Variants in CFAP20DC observed in about 807,000 individuals in gnomAD.
CFAP20DC encodes the protein protein CFAP20DC.
Under a neutral mutation model 101.7 loss-of-function variants are expected in CFAP20DC, and 84 were observed. The ratio of observed to expected loss-of-function variants is 0.83; its 90% CI spans 0.69 to 0.99. The LOEUF is 0.99. CFAP20DC is among the 50% of genes least tolerant of loss of function. The probability of loss-of-function intolerance (pLI) is 0.00; values close to 1 mark genes in which losing one functional copy is unlikely to be tolerated. For missense variants in CFAP20DC, 1,007 were observed against 970.3 expected (o/e 1.04, Z -0.50); for synonymous variants, 359 against 351.2 (o/e 1.02, Z -0.25).
chr3:58,925,021 T>A (rs1283429984), intron 5 of CFAP20DC, among the ~76,000 whole-genome samples: 3 of 152,084 alleles, frequency 2.0e-5, no homozygotes, highest in Admixed American at 2.0e-4. Context: ...GTTTTCTCAT[T>A]ATGAACATAT....
At chr3:58,901,904 A>G (rs1427333850) in intron 6 of CFAP20DC, among the ~76,000 whole-genome samples, 1 of 152,196 alleles carries the variant, frequency 6.6e-6, no homozygotes, top group Non-Finnish European at 1.5e-5. Context: ...TTATCCATTA[A>G]GTAGCTTCTC....
At chr3:59,024,377 G>A (rs1361356901) in intron 4 of CFAP20DC, among the ~76,000 whole-genome samples, 2 of 152,110 alleles carry the variant, frequency 1.3e-5, no homozygotes, top group Non-Finnish European at 2.9e-5. Flanking sequence ...AAGTTCAACA[G>A]TAGCCTCATT....
At chr3:58,930,826 C>T (rs1485811341) in intron 5 of CFAP20DC, among the ~76,000 whole-genome samples, 1 of 152,186 alleles carries the variant, frequency 6.6e-6, no homozygotes, top group African/African-American at 2.4e-5. Context: ...CGGTCTACAG[C>T]TCCCAGCGTG....
intron 15 of CFAP20DC, among the ~76,000 whole-genome samples, chr3:58,776,482 C>A (rs1388173624): frequency 6.6e-6 from 1 of 151,966 alleles, no homozygotes; most frequent in Admixed American, 6.6e-5. Flanking sequence ...ACTTACTGGC[C>A]TTTATCTGCC....
At chr3:58,983,787 T>C (rs911106899) in intron 4 of CFAP20DC, among the ~76,000 whole-genome samples, 15 of 152,204 alleles carry the variant, frequency 9.9e-5, no homozygotes, top group African/African-American at 2.9e-4. Context: ...CCATGGGATA[T>C]GTCCTTTTAT....
chr3:58,895,792 A>C (rs139416696), intron 6 of CFAP20DC, among the ~76,000 whole-genome samples: 5 of 152,244 alleles, frequency 3.3e-5, no homozygotes, highest in African/African-American at 1.2e-4. Context: ...TCACAGTTCT[A>C]CATGGCTGGG....
rs185385016 is a variant in CFAP20DC, at chr3:58,984,885, T to G, written c.279-47123A>C. On this transcript the variant is annotated intron_variant, in intron 4 of 16. Coordinates refer to ENST00000482387, the MANE Select transcript of CFAP20DC (RefSeq NM_001394063.1). ...GGTAAAGTTGCTGGCATGGTGTGAT[T>G]GCTCAATAAATTTTGGTTACTTTTT... Among the ~76,000 whole-genome samples the G allele has an allele frequency of 9.2e-5, 14 of 152,230 alleles. No homozygotes were observed. In the East Asian group the frequency reaches 2.7e-3, roughly 29 times the overall value.
chr3:58,968,324 A>T (rs1463032361), intron 4 of CFAP20DC, among the ~76,000 whole-genome samples: 1 of 152,194 alleles, frequency 6.6e-6, no homozygotes, highest in East Asian at 1.9e-4. Context: ...TTACATTCCC[A>T]TCAACAGTGT....
chr3:58,870,116 A>C, intron 8 of CFAP20DC, 57 bp downstream of exon 8: 1 of 1,418,256 alleles, frequency 7.1e-7, no homozygotes, highest in Non-Finnish European at 9.9e-7. Context: ...AGGGGAAGAC[A>C]CTCTTCCCTT....
chr3:58,881,215 GT>G (rs1263264157), intron 7 of CFAP20DC, among the ~76,000 whole-genome samples: 3 of 152,134 alleles, frequency 2.0e-5, no homozygotes, highest in African/African-American at 7.2e-5. Flanking sequence ...TTAAAAAGGA[GT>G]AAAAATCCAA....
intron 4 of CFAP20DC, among the ~76,000 whole-genome samples, chr3:58,973,029 T>A (rs1243558696): frequency 6.6e-6 from 1 of 152,206 alleles, no homozygotes; most frequent in Non-Finnish European, 1.5e-5. Context: ...AAAATATGCA[T>A]TCAAATTGTT....
intron 3 of CFAP20DC, chr3:58,734,546 G>A (rs544709161): frequency 2.2e-6 from 1 of 455,458 alleles, no homozygotes; most frequent in Non-Finnish European, 4.4e-6. Context: ...CAGCTTTCTG[G>A]GATTAAATCA....
In CFAP20DC at chr3:58,747,134, T is replaced by A. The variant is rs536085924; in HGVS notation, c.2333-4562A>T. Among the ~76,000 whole-genome samples, 6 of 152,338 alleles carry A rather than the reference T, an allele frequency of 3.9e-5. No individual in the cohort carries two copies. The South Asian group carries it at 1.2e-3, about 32-fold the overall frequency. On this transcript the variant is annotated intron_variant, in intron 16 of 16. Transcript: ENST00000482387. ...TTTCTGCTACTAGACTAAGAGCATC[T>A]GGATAGGGGTCCAAATTACATTTTT...
intron 6 of CFAP20DC, among the ~76,000 whole-genome samples, chr3:58,891,160 C>T (rs1379745988): frequency 1.1e-4 from 16 of 151,898 alleles, no homozygotes; most frequent in African/African-American, 2.7e-4. Context: ...AACGAGACTC[C>T]GTCTGCAATC....
At chr3:58,783,236 A>G (rs1490155071) in intron 15 of CFAP20DC, among the ~76,000 whole-genome samples, 4 of 152,060 alleles carry the variant, frequency 2.6e-5, no homozygotes, top group Non-Finnish European at 4.4e-5. Flanking sequence ...TATGCAGAAG[A>G]ATAAAACTAG....
In CFAP20DC at chr3:58,788,116, C is replaced by T. The variant is rs2072532080; in HGVS notation, c.2237+18279G>A. ...ATATAACAAACCTGCATGTTCTGCACATTTGTCCCAGAACTTAAAGTACAA... is the reference window on the plus strand; with the variant it reads ...ATATAACAAACCTGCATGTTCTGCATATTTGTCCCAGAACTTAAAGTACAA... On this transcript the variant is annotated intron_variant, in intron 15 of 16. Coordinates refer to ENST00000482387, the MANE Select transcript of CFAP20DC (RefSeq NM_001394063.1). The surrounding 1 kb of genome is among the most constrained non-coding windows in gnomAD (Gnocchi z 4.2). Among the ~76,000 whole-genome samples the T allele has an allele frequency of 6.6e-6, 1 of 150,940 alleles. No homozygotes were observed. The highest frequency in any genetic ancestry group is 1.9e-4 in the East Asian group (1 of 5,142).
chr3:59,006,066 T>C lies in CFAP20DC; in HGVS notation c.278+33491A>G, dbSNP rs1326118982. Among the ~76,000 whole-genome samples, 1 of 152,204 alleles carries C rather than the reference T, an allele frequency of 6.6e-6. No homozygotes were observed. The highest frequency in any genetic ancestry group is 1.9e-4 in the East Asian group (1 of 5,202). Reference sequence around the variant, plus strand: ...GTACTTTTAAATATCCCTACATTTATATGTGTTTTTATAAATATGTAATAT... The same window carrying C: ...GTACTTTTAAATATCCCTACATTTACATGTGTTTTTATAAATATGTAATAT... On this transcript the variant is annotated intron_variant, in intron 4 of 16. Coordinates refer to ENST00000482387, the MANE Select transcript of CFAP20DC (RefSeq NM_001394063.1). The surrounding 1 kb of genome is among the most constrained non-coding windows in gnomAD (Gnocchi z 4.3).
At chr3:58,978,488 C>T (rs1044317189) in intron 4 of CFAP20DC, among the ~76,000 whole-genome samples, 2 of 152,014 alleles carry the variant, frequency 1.3e-5, no homozygotes, top group Non-Finnish European at 1.5e-5. Flanking sequence ...TTGGGCAGAT[C>T]ACATGATGCT....
intron 14 of CFAP20DC, among the ~76,000 whole-genome samples, chr3:58,827,762 C>A (rs184514751): frequency 6.6e-6 from 1 of 152,316 alleles, no homozygotes; most frequent in African/African-American, 2.4e-5. Flanking sequence ...TTTACCTGGG[C>A]TTCCCCACCA....
Sources: gnomAD v4.1 joint callset for allele counts (sites outside exome capture counted in the v4.1 genomes callset) on GRCh38, gnomAD v4.1.1 for gene constraint, Gnocchi (gnomAD v3.1) non-coding constraint, MANE v1.5 for transcripts, NCBI Gene and HGNC (gene_info 2026-07-23, HGNC 2026-07-21) for gene names.